The following TMPRSS11E variants were observed in gnomAD, a reference collection of about 807,000 sequenced individuals.
The protein encoded by TMPRSS11E is transmembrane protease serine 11E.
A neutral mutation model predicts 48.1 loss-of-function variants in TMPRSS11E; 38 were observed. That is an observed-to-expected ratio of 0.79 (90% CI 0.61 to 1.04). The LOEUF is 1.04. Ranked by LOEUF, TMPRSS11E falls within the 50% of genes least tolerant of loss-of-function variation. The pLI, the probability that TMPRSS11E is intolerant of heterozygous loss-of-function variation, is 0.00. For missense variants in TMPRSS11E, 530 were observed against 510.8 expected (o/e 1.04, Z -0.36); for synonymous variants, 158 against 171.9 (o/e 0.92, Z 0.63).
chr4:68,481,689 C>T lies in TMPRSS11E; in HGVS notation c.1110+2698C>T, dbSNP rs141440590. On this transcript the variant is annotated intron_variant, in intron 9 of 9. Transcript: ENST00000305363. ...CCTGGGTCGGGAATGGTGGCTCATG[C>T]AGGTAATCTCAGCACTTTGGGAGGC... 1.2e-3 allele frequency among the ~76,000 whole-genome samples: 190 copies of T among 152,242 alleles called. 1 individual carries two copies. Among genetic ancestry groups the T allele is most frequent in the Non-Finnish European group, 2.2e-3 (150 of 68,024 alleles).
chr4:68,462,857 T>A (rs1728830548), intron 2 of TMPRSS11E, among the ~76,000 whole-genome samples: 2 of 152,196 alleles, frequency 1.3e-5, no homozygotes, highest in African/African-American at 4.8e-5. Context: ...AGATGAACTG[T>A]TAGTTGCTAT....
intron 2 of TMPRSS11E, among the ~76,000 whole-genome samples, chr4:68,464,950 A>G (rs1017105414): frequency 6.6e-6 from 1 of 152,208 alleles, no homozygotes; most frequent in Non-Finnish European, 1.5e-5. Context: ...TTAAAATTTG[A>G]AGCAGAATTC....
rs769605805 is a variant in TMPRSS11E at position 68,477,537 on chromosome 4, A to G, written c.876A>G (p.Ala292=). ...ELSSPVPYTN[A]VHRVCLPDAS... ...CTAGCCCTGTTCCCTACACAAATGC[A>G]GTACATAGAGTTTGTCTCCCTGATG... Residue 292 remains alanine, a synonymous_variant, in exon 8 of 10, where the codon GCA becomes GCG. Coordinates refer to ENST00000305363, the MANE Select transcript of TMPRSS11E (RefSeq NM_014058.4). 2 of 1,614,092 alleles carry G rather than the reference A, an allele frequency of 1.2e-6. No individual in the cohort carries two copies. Among genetic ancestry groups the G allele is most frequent in the South Asian group, 1.1e-5 (1 of 91,080 alleles).
At chr4:68,466,402 G>A (rs1728927103) in intron 2 of TMPRSS11E, among the ~76,000 whole-genome samples, 1 of 152,038 alleles carries the variant, frequency 6.6e-6, no homozygotes. Context: ...AGTACTCCAG[G>A]AACACCAGGC....
chr4:68,489,988 G>C (rs1038087266), intron 9 of TMPRSS11E, among the ~76,000 whole-genome samples: 1 of 152,160 alleles, frequency 6.6e-6, no homozygotes, highest in East Asian at 1.9e-4. Flanking sequence ...CAACTCTCCA[G>C]GCTGTTCTCC....
At chr4:68,496,267 C>T (rs1455198446) in intron 9 of TMPRSS11E, among the ~76,000 whole-genome samples, 1 of 151,874 alleles carries the variant, frequency 6.6e-6, no homozygotes, top group African/African-American at 2.4e-5. Flanking sequence ...CAGTAATAGA[C>T]TCTTCACTCC....
At chr4:68,493,030 C>T (rs984717562) in intron 9 of TMPRSS11E, among the ~76,000 whole-genome samples, 12 of 152,040 alleles carry the variant, frequency 7.9e-5, no homozygotes, top group South Asian at 4.1e-4. Flanking sequence ...TCAACTATCT[C>T]GGTTTCTATA....
intron 7 of TMPRSS11E, among the ~76,000 whole-genome samples, chr4:68,476,963 A>C (rs938224362): frequency 5.9e-5 from 9 of 152,212 alleles, no homozygotes; most frequent in African/African-American, 1.9e-4. Context: ...ATAGTATATA[A>C]AATAATAATA....
Position 68,468,924 on chromosome 4 carries a change from A to C in TMPRSS11E, c.304A>C (p.Lys102Gln). The C allele has an allele frequency of 6.2e-7, 1 of 1,611,662 alleles. No individual in the cohort carries two copies. Among genetic ancestry groups the C allele is most frequent in the Non-Finnish European group, 8.5e-7 (1 of 1,178,056 alleles). ...YKSPLREEFV[K>Q]SQVIKFSQQK... ...ATCTCCATTAAGGGAAGAATTTGTC[A>C]AGTCTCAGGTTATCAAGTTCAGGTA... The change falls in exon 4 of 10, where the codon AAG becomes CAG. Residue 102 changes from lysine to glutamine, a missense_variant. Coordinates refer to ENST00000305363, the MANE Select transcript of TMPRSS11E (RefSeq NM_014058.4).
chr4:68,460,490 G>T (rs1022144739), intron 1 of TMPRSS11E, among the ~76,000 whole-genome samples: 1 of 152,014 alleles, frequency 6.6e-6, no homozygotes, highest in African/African-American at 2.4e-5. Context: ...TTTTTCCGTC[G>T]CTGATCTGTT....
rs1026341 is a variant in TMPRSS11E, at chr4:68,477,635, A to C, written c.967+7A>C. 5 of 1,609,506 alleles carry C rather than the reference A, an allele frequency of 3.1e-6. No homozygotes were observed. Among genetic ancestry groups the C allele is most frequent in the Non-Finnish European group, 3.4e-6 (4 of 1,177,394 alleles). ...GGAGCACTGAAAAATGATGGTGAGCATCGGAAGAGGAACTCAAGTAAAAGT... is the reference window on the plus strand; with the variant it reads ...GGAGCACTGAAAAATGATGGTGAGCCTCGGAAGAGGAACTCAAGTAAAAGT... On this transcript the variant is annotated splice_region_variant and intron_variant, in intron 8 of 9. Transcript: ENST00000305363.
intron 9 of TMPRSS11E, among the ~76,000 whole-genome samples, chr4:68,484,820 G>A (rs1729506947): frequency 4.6e-5 from 7 of 152,206 alleles, no homozygotes; most frequent in Admixed American, 4.6e-4. Context: ...CTTTACTGAA[G>A]TTGTTTATCA....
At chr4:68,489,996 T>C (rs1047155803) in intron 9 of TMPRSS11E, among the ~76,000 whole-genome samples, 1 of 152,222 alleles carries the variant, frequency 6.6e-6, no homozygotes, top group Admixed American at 6.5e-5. Context: ...CAGGCTGTTC[T>C]CCCTGCCACC....
chr4:68,492,118 T>A (rs1366764918), intron 9 of TMPRSS11E, among the ~76,000 whole-genome samples: 1 of 152,218 alleles, frequency 6.6e-6, no homozygotes, highest in African/African-American at 2.4e-5. Context: ...AGTAGATTGG[T>A]CCCATTACCA....
chr4:68,482,590 CAAAAAAAAAAAAAAAAA>C (rs371144994), intron 9 of TMPRSS11E, among the ~76,000 whole-genome samples: 1 of 106,056 alleles, frequency 9.4e-6, no homozygotes, highest in South Asian at 3.8e-4. Flanking sequence ...TGCATCTCCA[CAAAAAAAAAAAAAAAAA>C]AAAAAAAAAA....
rs570477814 is a variant in TMPRSS11E, at chr4:68,459,590, T to A, written c.12-2231T>A. On this transcript the variant is annotated intron_variant, in intron 1 of 9. Coordinates refer to ENST00000305363, the MANE Select transcript of TMPRSS11E (RefSeq NM_014058.4). ...AACTTTTTAAAATTGAAACTTATCA[T>A]TAACCTTTTTAATGTTAATACATGA... 2.4e-4 allele frequency among the ~76,000 whole-genome samples: 37 copies of A among 152,332 alleles called. 1 individual carries two copies. Among genetic ancestry groups the A allele is most frequent in the African/African-American group, 8.4e-4 (35 of 41,586 alleles).
chr4:68,465,841 G>T (rs181327981), intron 2 of TMPRSS11E, among the ~76,000 whole-genome samples: 1 of 152,236 alleles, frequency 6.6e-6, no homozygotes, highest in African/African-American at 2.4e-5. Context: ...AATATTTGTT[G>T]AATGAATACA....
intron 5 of TMPRSS11E, among the ~76,000 whole-genome samples, chr4:68,474,019 T>C (rs1351066902): frequency 2.0e-5 from 3 of 152,110 alleles, no homozygotes; most frequent in South Asian, 2.1e-4. Flanking sequence ...GTACAAAGAA[T>C]AGTTTTGGTC....
At chr4:68,461,160 C>T (rs890044654) in intron 1 of TMPRSS11E, among the ~76,000 whole-genome samples, 1 of 152,184 alleles carries the variant, frequency 6.6e-6, no homozygotes, top group Admixed American at 6.5e-5. Context: ...GGATTATAGG[C>T]GTGAGCCACC....
Sources: gnomAD v4.1 joint callset for allele counts (sites outside exome capture counted in the v4.1 genomes callset) on GRCh38, gnomAD v4.1.1 for gene constraint, MANE v1.5 for transcripts, NCBI Gene and HGNC (gene_info 2026-07-23, HGNC 2026-07-21) for gene names.